Variants in IFT81 observed in about 807,000 individuals in gnomAD.
IFT81 encodes the protein intraflagellar transport 81, also known as intraflagellar transport protein 81 homolog.
In IFT81, 72 loss-of-function variants were observed where a neutral mutation model predicts 102.6. The observed-to-expected ratio is 0.70, with a 90% CI of 0.58 to 0.85. The LOEUF is 0.85. IFT81 is among the 40% of genes least tolerant of loss of function. The pLI, the probability that IFT81 is intolerant of heterozygous loss-of-function variation, is 0.00. For synonymous variants in IFT81, 237 were observed against 242.7 expected (o/e 0.98, Z 0.22); for missense variants, 723 against 787.3 (o/e 0.92, Z 0.98).
chr12:110,215,240 C>T (rs1217890582), intron 18 of IFT81, among the ~76,000 whole-genome samples: 1 of 151,578 alleles, frequency 6.6e-6, no homozygotes, highest in Non-Finnish European at 1.5e-5. Flanking sequence ...GAGGTTGTTC[C>T]TTTGCACTCT....
chr12:110,179,773 T>TATATATACACACACAC (rs774113734), intron 11 of IFT81, among the ~76,000 whole-genome samples: 2 of 50,484 alleles, frequency 4.0e-5, no homozygotes, highest in Admixed American at 3.5e-4. Flanking sequence ...TATATATATA[T>TATATATACACACACAC]ACACACACAC....
intron 11 of IFT81, among the ~76,000 whole-genome samples, chr12:110,165,146 T>A (rs1039412736): frequency 2.0e-5 from 3 of 152,102 alleles, no homozygotes; most frequent in African/African-American, 4.8e-5. Context: ...TTGGAAATGA[T>A]AACTTAATTT....
chr12:110,132,647 GAA>G lies in IFT81; in HGVS notation c.519+14_519+15del, dbSNP rs764335019. On this transcript the variant is annotated intron_variant, in intron 5 of 18. Coordinates refer to ENST00000242591, the MANE Select transcript of IFT81 (RefSeq NM_014055.4). ...GCAGAAATAAGAAAGGTAAAGGAAA[GAA>G]AACATAGTAACAATTTTTTTGGGAT... 7 of 1,387,086 alleles carry G rather than the reference GAA, an allele frequency of 5.0e-6. No individual in the cohort carries two copies. The Admixed American group carries it at 1.3e-4, about 27-fold the overall frequency. The allele number at this position is 1,387,086 out of a possible 1,614,324, so 85.9% of individuals were successfully genotyped here.
intron 12 of IFT81, among the ~76,000 whole-genome samples, chr12:110,183,047 T>G (rs1897374691): frequency 1.3e-5 from 2 of 152,208 alleles, no homozygotes; most frequent in Admixed American, 1.3e-4. Context: ...TGTTCCACTA[T>G]TCTGTCAGGC....
intron 10 of IFT81, among the ~76,000 whole-genome samples, chr12:110,153,508 G>C (rs191599523): frequency 7.2e-4 from 109 of 151,872 alleles, no homozygotes; most frequent in African/African-American, 2.6e-3. Flanking sequence ...AAAGTGCTGG[G>C]ATTACAGGCA....
chr12:110,172,927 C>T (rs1593332821), intron 11 of IFT81, among the ~76,000 whole-genome samples: 24 of 148,446 alleles, frequency 1.6e-4, no homozygotes, highest in South Asian at 4.3e-4. Flanking sequence ...GCAGCCGCCC[C>T]GTCCGGGAGG....
At chr12:110,167,210 C>A (rs375964814) in intron 11 of IFT81, among the ~76,000 whole-genome samples, 2 of 152,158 alleles carry the variant, frequency 1.3e-5, no homozygotes. Context: ...TAGTAAAAGA[C>A]GAAGTTTCTG....
intron 11 of IFT81, among the ~76,000 whole-genome samples, chr12:110,170,730 G>GTA (rs1450755935): frequency 6.6e-6 from 1 of 152,162 alleles, no homozygotes; most frequent in African/African-American, 2.4e-5. Context: ...GTGTATGGGA[G>GTA]TATTATAGTC....
At chr12:110,201,300 G>T (rs1181609880) in intron 14 of IFT81, among the ~76,000 whole-genome samples, 4 of 151,692 alleles carry the variant, frequency 2.6e-5, no homozygotes, top group African/African-American at 9.7e-5. Flanking sequence ...TACTTGGGAA[G>T]CTGAGGCAGG....
intron 15 of IFT81, 190 bp from the exon 16 acceptor site, chr12:110,205,253 G>T: frequency 2.2e-6 from 1 of 458,608 alleles, no homozygotes; most frequent in Non-Finnish European, 3.7e-6. Context: ...AATTGAACTT[G>T]CAGGTTATAG....
chr12:110,209,159 T>A lies in IFT81; in HGVS notation c.1803-12T>A. On this transcript the variant is annotated splice_polypyrimidine_tract_variant and intron_variant, in intron 17 of 18. Transcript: ENST00000242591. ...AGTAAATTGAAAGTAAATCATTATG[T>A]TGACTCCCTAGGGAACAGTATACCA... The A allele has an allele frequency of 6.8e-7, 1 of 1,467,344 alleles. No individual in the cohort carries two copies. The highest frequency in any genetic ancestry group is 1.2e-5 in the South Asian group (1 of 83,056). 90.9% of individuals were successfully genotyped at this position (1,467,344 alleles called of 1,614,324 possible). A position where few individuals can be genotyped will look rare whatever the true frequency, so the allele number is the denominator to read the frequency against.
chr12:110,214,046 A>G (rs1306609517), intron 18 of IFT81, among the ~76,000 whole-genome samples: 1 of 152,222 alleles, frequency 6.6e-6, no homozygotes, highest in African/African-American at 2.4e-5. Context: ...AATAAAAAAT[A>G]AAAGGAAGCC....
intron 1 of IFT81, among the ~76,000 whole-genome samples, chr12:110,125,744 A>T (rs569139758): frequency 2.6e-5 from 4 of 152,370 alleles, no homozygotes; most frequent in South Asian, 4.1e-4. Flanking sequence ...TTACCTAGGT[A>T]AAGCTGTTTC....
chr12:110,135,778 A>T (rs1204785540), intron 7 of IFT81, among the ~76,000 whole-genome samples: 1 of 151,882 alleles, frequency 6.6e-6, no homozygotes, highest in Non-Finnish European at 1.5e-5. Flanking sequence ...GAGGCAGGAG[A>T]ATCACTTGAA....
At chr12:110,189,709 T>C in intron 12 of IFT81, among the ~76,000 whole-genome samples, 1 of 152,166 alleles carries the variant, frequency 6.6e-6, no homozygotes, top group East Asian at 1.9e-4. Context: ...AATATATATT[T>C]CAAATTTTTA....
intron 13 of IFT81, among the ~76,000 whole-genome samples, chr12:110,192,098 G>A (rs1276926472): frequency 2.6e-5 from 4 of 151,046 alleles, no homozygotes; most frequent in African/African-American, 9.7e-5. Context: ...TTTAACCTGG[G>A]AAGCAGAGGT....
At chr12:110,135,941 G>A (rs1894482602) in intron 7 of IFT81, among the ~76,000 whole-genome samples, 1 of 150,116 alleles carries the variant, frequency 6.7e-6, no homozygotes. Flanking sequence ...ACTCTGAATT[G>A]TATCTATACA....
intron 12 of IFT81, among the ~76,000 whole-genome samples, chr12:110,189,294 C>T (rs1021312957): frequency 3.3e-5 from 5 of 152,016 alleles, no homozygotes; most frequent in Non-Finnish European, 5.9e-5. Context: ...CAATTTATAT[C>T]TCCAGCCTAG....
intron 10 of IFT81, among the ~76,000 whole-genome samples, chr12:110,149,122 C>T (rs1895382106): frequency 1.3e-5 from 2 of 152,170 alleles, no homozygotes; most frequent in South Asian, 4.1e-4. Flanking sequence ...AATTTCCTTG[C>T]TTTCTGCATT....
Sources: allele counts gnomAD v4.1 joint callset (sites outside exome capture counted in the v4.1 genomes callset), GRCh38; gene constraint gnomAD v4.1.1; transcripts MANE v1.5; gene names NCBI Gene and HGNC (gene_info 2026-07-23, HGNC 2026-07-21).